NUDCD1: variants seen among roughly 807,000 people sequenced by gnomAD.
NUDCD1 encodes nudC domain-containing protein 1.
Under a neutral mutation model 67.8 loss-of-function variants are expected in NUDCD1, and 60 were observed. That is an observed-to-expected ratio of 0.88 (90% CI 0.72 to 1.10). The LOEUF (loss-of-function observed/expected upper bound fraction) is 1.10, where lower values mean the gene tolerates loss of function less well. NUDCD1 is among the 50% of genes least tolerant of loss of function. The probability of loss-of-function intolerance (pLI) is 0.00; values close to 1 mark genes in which losing one functional copy is unlikely to be tolerated. For missense variants in NUDCD1, 643 were observed against 695.0 expected (o/e 0.93, Z 0.84); for synonymous variants, 244 against 230.8 (o/e 1.06, Z -0.52).
intron 8 of NUDCD1, among the ~76,000 whole-genome samples, chr8:109,265,402 C>G (rs557720842): frequency 1.3e-5 from 2 of 152,172 alleles, no homozygotes; most frequent in South Asian, 4.1e-4. Context: ...GTTTTTTAAA[C>G]TATTATAACT....
At chr8:109,294,471 G>C (rs1377492104) in intron 3 of NUDCD1, among the ~76,000 whole-genome samples, 1 of 149,044 alleles carries the variant, frequency 6.7e-6, no homozygotes, top group East Asian at 1.9e-4. Flanking sequence ...GACAGATGAA[G>C]GCAGGTTTTT....
intron 9 of NUDCD1, among the ~76,000 whole-genome samples, chr8:109,245,031 G>A (rs1419933313): frequency 6.6e-6 from 1 of 152,076 alleles, no homozygotes; most frequent in Non-Finnish European, 1.5e-5. Context: ...GTATTATATG[G>A]CTTACAGAAT....
At chr8:109,257,290 G>A (rs1031004959) in intron 8 of NUDCD1, among the ~76,000 whole-genome samples, 3 of 152,062 alleles carry the variant, frequency 2.0e-5, no homozygotes, top group African/African-American at 7.2e-5. Context: ...ATAATTTATC[G>A]AAGTTACAAT....
At position 109,249,378 on chromosome 8, in the gene NUDCD1, C is replaced by T. The variant is rs140064286; in HGVS notation, c.1300-3897G>A. The stretch of plus-strand genomic sequence containing the variant: ...CATAGCAGCTTTCAAGTAATCTTCC[C>T]GTAGCTCACAGCTACAGCTCTTATA... On this transcript the variant is annotated intron_variant, in intron 8 of 9. Coordinates refer to ENST00000239690, the MANE Select transcript of NUDCD1 (RefSeq NM_032869.4). Among the ~76,000 whole-genome samples the T allele has an allele frequency of 7.9e-3, 1,204 of 152,200 alleles. 8 individuals carry two copies. Among genetic ancestry groups the T allele is most frequent in the Non-Finnish European group, 0.011 (742 of 67,996 alleles).
At chr8:109,249,817 A>G (rs1813581178) in intron 8 of NUDCD1, among the ~76,000 whole-genome samples, 1 of 152,038 alleles carries the variant, frequency 6.6e-6, no homozygotes, top group African/African-American at 2.4e-5. Flanking sequence ...ATCCCATTAA[A>G]AAATGAGATA....
At chr8:109,269,609 A>G (rs1287512007) in intron 8 of NUDCD1, among the ~76,000 whole-genome samples, 1 of 152,186 alleles carries the variant, frequency 6.6e-6, no homozygotes, top group African/African-American at 2.4e-5. Context: ...TCTACGTGAC[A>G]AAGAAACATC....
At chr8:109,255,651 A>G (rs1267699470) in intron 8 of NUDCD1, among the ~76,000 whole-genome samples, 6 of 151,728 alleles carry the variant, frequency 4.0e-5, no homozygotes, top group Admixed American at 6.6e-5. Flanking sequence ...ACACAGATAC[A>G]TATCAGAAAA....
At chr8:109,292,185 A>G (rs893283485) in intron 4 of NUDCD1, among the ~76,000 whole-genome samples, 1 of 152,130 alleles carries the variant, frequency 6.6e-6, no homozygotes, top group African/African-American at 2.4e-5. Context: ...TCATTTATAT[A>G]TTGTCTATGG....
intron 1 of NUDCD1, among the ~76,000 whole-genome samples, chr8:109,330,342 C>T (rs1815777877): frequency 6.6e-6 from 1 of 152,172 alleles, no homozygotes; most frequent in Non-Finnish European, 1.5e-5. Context: ...ACCACATCAT[C>T]TTTACATCTT....
At chr8:109,308,699 C>T (rs936814455) in intron 2 of NUDCD1, among the ~76,000 whole-genome samples, 1 of 151,770 alleles carries the variant, frequency 6.6e-6, no homozygotes, top group African/African-American at 2.4e-5. Flanking sequence ...AGACTGGGTG[C>T]GGTGGCTCAC....
At chr8:109,246,476 G>A (rs945362340) in intron 8 of NUDCD1, among the ~76,000 whole-genome samples, 11 of 152,270 alleles carry the variant, frequency 7.2e-5, no homozygotes, top group African/African-American at 2.2e-4. Context: ...TTACTTAAAC[G>A]TACTGCTTAA....
chr8:109,310,810 CTTTTTT>C (rs59611956), intron 2 of NUDCD1, among the ~76,000 whole-genome samples: 1 of 75,180 alleles, frequency 1.3e-5, no homozygotes, highest in Non-Finnish European at 2.4e-5. Context: ...ATAGACAATT[CTTTTTT>C]TTTTTTTTTT....
At chr8:109,324,549 C>T (rs921082910) in intron 1 of NUDCD1, among the ~76,000 whole-genome samples, 2 of 152,086 alleles carry the variant, frequency 1.3e-5, no homozygotes, top group African/African-American at 2.4e-5. Flanking sequence ...TAGGCACTCC[C>T]ACAAATGAAT....
At chr8:109,271,615 G>A (rs1814158999) in intron 7 of NUDCD1, among the ~76,000 whole-genome samples, 1 of 152,092 alleles carries the variant, frequency 6.6e-6, no homozygotes, top group South Asian at 2.1e-4. Flanking sequence ...AACTGGAGGA[G>A]GGCAAGAAGA....
chr8:109,277,019 A>G (rs1457436212), intron 6 of NUDCD1, among the ~76,000 whole-genome samples: 1 of 152,188 alleles, frequency 6.6e-6, no homozygotes, highest in Non-Finnish European at 1.5e-5. Context: ...AATGATGATG[A>G]TAATAATAGT....
chr8:109,284,029 C>G (rs1390946640), intron 5 of NUDCD1, among the ~76,000 whole-genome samples: 1 of 150,574 alleles, frequency 6.6e-6, no homozygotes, highest in Non-Finnish European at 1.5e-5. Flanking sequence ...CAAGGCCCAT[C>G]GGCATTCTAC....
At chr8:109,254,189 A>G (rs574432059) in intron 8 of NUDCD1, among the ~76,000 whole-genome samples, 1 of 152,344 alleles carries the variant, frequency 6.6e-6, no homozygotes, top group East Asian at 1.9e-4. Flanking sequence ...CAAACACAAA[A>G]GACATTTTTT....
At position 109,293,335 on chromosome 8, in the gene NUDCD1, T is replaced by C. The variant is rs780769797; in HGVS notation, c.640+9A>G. The C allele has an allele frequency of 1.3e-6, 2 of 1,496,566 alleles. No individual in the cohort carries two copies. The highest frequency in any genetic ancestry group is 4.3e-5 in the Admixed American group (2 of 46,258). The allele number at this position is 1,496,566 out of a possible 1,614,324, so 92.7% of individuals were successfully genotyped here. A position where few individuals can be genotyped will look rare whatever the true frequency, so the allele number is the denominator to read the frequency against. On this transcript the variant is annotated intron_variant, in intron 4 of 9. Coordinates refer to ENST00000239690, the MANE Select transcript of NUDCD1 (RefSeq NM_032869.4). ...AACCAGTAGAGACAGATTCAGACTT[T>C]TGTTTTACCTTGATTTTTCTTACTG...
In NUDCD1 at chr8:109,334,045, G is replaced by C. The variant is rs777356847; in HGVS notation, c.-35C>G. 8.1e-6 allele frequency: 13 copies of C among 1,613,444 alleles called. No homozygotes were observed. The highest frequency in any genetic ancestry group is 1.1e-5 in the South Asian group (1 of 91,046). On this transcript the variant is annotated 5_prime_UTR_variant, in exon 1 of 10. Transcript: ENST00000239690. The stretch of plus-strand genomic sequence containing the variant: ...GGGCCGCAGCGTGAGAATTAATAAA[G>C]CCCTTGTTGAAAGGTCCGCGCTTCA...
Sources: allele counts gnomAD v4.1 joint callset (sites outside exome capture counted in the v4.1 genomes callset), GRCh38; gene constraint gnomAD v4.1.1; transcripts MANE v1.5; gene names NCBI Gene and HGNC (gene_info 2026-07-23, HGNC 2026-07-21).